ICA1: variants seen among roughly 807,000 people sequenced by gnomAD.
The protein encoded by ICA1 is islet cell autoantigen 1.
ICA1 carries 40 observed loss-of-function variants against 71.0 expected under a neutral mutation model. That is an observed-to-expected ratio of 0.56 (90% CI 0.44 to 0.73). The LOEUF is 0.73. Among genes scored for constraint, ICA1 ranks in the 30% least tolerant of loss-of-function variants. The pLI, the probability that ICA1 is intolerant of heterozygous loss-of-function variation, is 0.00. For missense variants in ICA1, 578 were observed against 576.5 expected (o/e 1.00, Z -0.03); for synonymous variants, 207 against 209.5 (o/e 0.99, Z 0.10).
chr7:8,234,377 A>G lies in ICA1; in HGVS notation c.17+1533T>C, dbSNP rs1275330882. Among the ~76,000 whole-genome samples the G allele has an allele frequency of 6.6e-6, 1 of 152,128 alleles. No homozygotes were observed. Among genetic ancestry groups the G allele is most frequent in the Non-Finnish European group, 1.5e-5 (1 of 68,020 alleles). On this transcript the variant is annotated intron_variant, in intron 2 of 13. Coordinates refer to ENST00000402384, the MANE Select transcript of ICA1 (RefSeq NM_001136020.3). This position sits in a 1 kb window ranked among gnomAD's most constrained non-coding sequence, Gnocchi z 4.5. ...CTTCGTCCACATCCTCTTTGGACCT[A>G]GAGTCCCTGCCCCAAAGGCTCCCCT...
At chr7:8,180,762 T>A (rs1781965949) in intron 6 of ICA1, among the ~76,000 whole-genome samples, 1 of 152,128 alleles carries the variant, frequency 6.6e-6, no homozygotes, top group Non-Finnish European at 1.5e-5. Flanking sequence ...TTGGCAATTT[T>A]GATATTTCCT....
chr7:8,156,665 G>A (rs1455825765), intron 8 of ICA1: 2 of 611,670 alleles, frequency 3.3e-6, no homozygotes, highest in Non-Finnish European at 5.1e-6. Flanking sequence ...AGAATAAAAT[G>A]ATACATTTCA....
intron 6 of ICA1, among the ~76,000 whole-genome samples, chr7:8,163,499 A>T (rs1249155420): frequency 6.6e-5 from 10 of 152,194 alleles, no homozygotes; most frequent in Admixed American, 6.5e-4. Flanking sequence ...GCACAAATGG[A>T]ATCGATAGTA....
chr7:8,128,220 AG>A (rs1353735448), intron 12 of ICA1, 78 bp from the exon 13 acceptor site: 7 of 1,445,552 alleles, frequency 4.8e-6, no homozygotes, highest in Non-Finnish European at 6.6e-6. Flanking sequence ...GGGGCTGCGA[AG>A]GGGGAGACTG....
intron 1 of ICA1, among the ~76,000 whole-genome samples, chr7:8,257,567 G>A (rs765907312): frequency 1.3e-5 from 2 of 152,030 alleles, no homozygotes; most frequent in Non-Finnish European, 1.5e-5. Context: ...ATATTCAGTG[G>A]TCCATCACTG....
intron 6 of ICA1, among the ~76,000 whole-genome samples, chr7:8,188,070 C>T (rs1354639472): frequency 6.6e-6 from 1 of 152,160 alleles, no homozygotes; most frequent in Non-Finnish European, 1.5e-5. Flanking sequence ...CAGGCTGTTT[C>T]TTACGCTAAA....
chr7:8,144,039 A>G lies in ICA1; in HGVS notation c.805-67T>C. On this transcript the variant is annotated intron_variant, in intron 8 of 13. Coordinates refer to ENST00000402384, the MANE Select transcript of ICA1 (RefSeq NM_001136020.3). This position sits in a 1 kb window ranked among gnomAD's most constrained non-coding sequence, Gnocchi z 4.5. ...AAGAAGAAATAGAGACAAAAAAAAGAAAAGAAAGGTTATCAATTAAAAAAT... is the reference window on the plus strand; with the variant it reads ...AAGAAGAAATAGAGACAAAAAAAAGGAAAGAAAGGTTATCAATTAAAAAAT... 2.2e-6 allele frequency: 2 copies of G among 920,078 alleles called. No individual in the cohort carries two copies. Among genetic ancestry groups the G allele is most frequent in the Non-Finnish European group, 3.3e-6 (2 of 599,374 alleles). 57.0% of individuals were successfully genotyped at this position (920,078 alleles called of 1,614,324 possible).
intron 6 of ICA1, among the ~76,000 whole-genome samples, chr7:8,197,239 C>T (rs1787939953): frequency 6.6e-6 from 1 of 151,422 alleles, no homozygotes; most frequent in Admixed American, 6.6e-5. Flanking sequence ...TAAAAAATGT[C>T]TACCATTTGC....
chr7:8,255,623 C>T (rs1449871145), intron 1 of ICA1, among the ~76,000 whole-genome samples: 1 of 152,198 alleles, frequency 6.6e-6, no homozygotes, highest in Non-Finnish European at 1.5e-5. Context: ...TGGTAATCTT[C>T]ACCTGGATTG....
chr7:8,196,991 T>C (rs955542227), intron 6 of ICA1, among the ~76,000 whole-genome samples: 9 of 152,168 alleles, frequency 5.9e-5, no homozygotes, highest in African/African-American at 1.9e-4. Context: ...TCCCCAGCCA[T>C]GTGCAACTGT....
At chr7:8,237,539 A>G (rs1054208675) in intron 1 of ICA1, among the ~76,000 whole-genome samples, 4 of 152,196 alleles carry the variant, frequency 2.6e-5, no homozygotes, top group African/African-American at 9.6e-5. Context: ...ACAGATCTCT[A>G]GAACTTTTTC....
chr7:8,244,592 A>C (rs936209177), intron 1 of ICA1, among the ~76,000 whole-genome samples: 1 of 152,238 alleles, frequency 6.6e-6, no homozygotes, highest in African/African-American at 2.4e-5. Context: ...TCTGCACAGC[A>C]AAAGAAACTG....
At chr7:8,206,189 G>C (rs772978802) in intron 6 of ICA1, among the ~76,000 whole-genome samples, 24 of 152,190 alleles carry the variant, frequency 1.6e-4, no homozygotes, top group Non-Finnish European at 3.1e-4. Context: ...TAGAACAGTG[G>C]AGGCTTTTAA....
intron 1 of ICA1, among the ~76,000 whole-genome samples, chr7:8,242,831 C>A (rs1804472186): frequency 6.6e-6 from 1 of 152,174 alleles, no homozygotes; most frequent in Non-Finnish European, 1.5e-5. Flanking sequence ...TGGATGAATT[C>A]CTGGACACAT....
chr7:8,152,663 CACCACCATT>C, intron 8 of ICA1, among the ~76,000 whole-genome samples: 1 of 149,052 alleles, frequency 6.7e-6, no homozygotes, highest in South Asian at 2.1e-4. Context: ...CCACCACCAC[CACCACCATT>C]ATCTCCTTCA....
At chr7:8,239,125 G>A (rs1802849930) in intron 1 of ICA1, among the ~76,000 whole-genome samples, 3 of 152,182 alleles carry the variant, frequency 2.0e-5, no homozygotes, top group Non-Finnish European at 4.4e-5. Context: ...CGCCTCATGA[G>A]AAGGCAGCTG....
chr7:8,232,271 G>C (rs1280427322), intron 3 of ICA1, among the ~76,000 whole-genome samples: 1 of 152,180 alleles, frequency 6.6e-6, no homozygotes, highest in East Asian at 1.9e-4. Flanking sequence ...AGATTCTAGT[G>C]TTCTAAATCT....
intron 1 of ICA1, among the ~76,000 whole-genome samples, chr7:8,244,094 T>C (rs556536518): frequency 1.8e-4 from 27 of 152,334 alleles, no homozygotes; most frequent in African/African-American, 6.3e-4. Context: ...AGAGCCTGCA[T>C]TGCCAAGACA....
chr7:8,233,916 G>A (rs1801038416), intron 2 of ICA1, among the ~76,000 whole-genome samples: 1 of 152,172 alleles, frequency 6.6e-6, no homozygotes, highest in Admixed American at 6.5e-5. Context: ...AAATCAAAAA[G>A]TATGTGGAGA....
Sources: allele counts gnomAD v4.1 joint callset (sites outside exome capture counted in the v4.1 genomes callset), GRCh38; gene constraint gnomAD v4.1.1; non-coding constraint Gnocchi (gnomAD v3.1); transcripts MANE v1.5; gene names NCBI Gene and HGNC (gene_info 2026-07-23, HGNC 2026-07-21).